Variants in RARB observed in about 807,000 individuals in gnomAD.
The protein encoded by RARB is HBV-activated protein.
RARB carries 17 observed loss-of-function variants against 51.9 expected under a neutral mutation model. The observed-to-expected ratio is 0.33, with a 90% CI of 0.22 to 0.49. The LOEUF is 0.49. Ranked by LOEUF, RARB falls within the 20% of genes least tolerant of loss-of-function variation. The probability of loss-of-function intolerance (pLI) is 0.99; values close to 1 mark genes in which losing one functional copy is unlikely to be tolerated. For synonymous variants in RARB, 215 were observed against 195.4 expected, an observed-to-expected ratio of 1.10 and a Z score of -0.84; for missense variants, 369 against 550.8, an observed-to-expected ratio of 0.67 and a Z score of 3.30.
chr3:25,341,184 C>T (rs564330335), intron 5 of RARB, among the ~76,000 whole-genome samples: 1 of 152,296 alleles, frequency 6.6e-6, no homozygotes, highest in South Asian at 2.1e-4. Flanking sequence ...CATATCTAAA[C>T]TGTGGCATCT....
At chr3:25,463,621 C>T (rs977742414) in intron 2 of RARB, among the ~76,000 whole-genome samples, 1 of 151,762 alleles carries the variant, frequency 6.6e-6, no homozygotes, top group Non-Finnish European at 1.5e-5. Flanking sequence ...CGAGATCGCG[C>T]CACTGGACTC....
chr3:25,337,976 A>G (rs1044652078), intron 5 of RARB, among the ~76,000 whole-genome samples: 53 of 152,198 alleles, frequency 3.5e-4, no homozygotes, highest in African/African-American at 1.2e-3. Flanking sequence ...TAGATCTAAA[A>G]ACTGTAATTT....
intron 3 of RARB, among the ~76,000 whole-genome samples, chr3:25,073,943 C>T (rs1485664034): frequency 6.6e-6 from 1 of 151,946 alleles, no homozygotes; most frequent in East Asian, 1.9e-4. Flanking sequence ...GTTGGTAAAT[C>T]ACGCTTTTAT....
At chr3:25,357,175 T>G (rs533811175) in intron 5 of RARB, among the ~76,000 whole-genome samples, 19 of 152,356 alleles carry the variant, frequency 1.2e-4, no homozygotes, top group Admixed American at 5.9e-4. Context: ...CTCCAGCATC[T>G]GTTGTTTCCT....
intron 5 of RARB, among the ~76,000 whole-genome samples, chr3:25,199,425 C>T (rs1006260182): frequency 1.3e-5 from 2 of 151,926 alleles, no homozygotes; most frequent in African/African-American, 4.8e-5. Context: ...AATAATTGTA[C>T]ATTTAAAAAT....
intron 5 of RARB, among the ~76,000 whole-genome samples, chr3:25,421,053 G>A (rs1244480379): frequency 1.3e-5 from 2 of 150,070 alleles, no homozygotes; most frequent in Admixed American, 6.7e-5. Flanking sequence ...GTCTTCCACA[G>A]GGGCAGCAGG....
intron 2 of RARB, among the ~76,000 whole-genome samples, chr3:24,882,518 C>T (rs1703187803): frequency 6.6e-6 from 1 of 152,162 alleles, no homozygotes; most frequent in South Asian, 2.1e-4. Flanking sequence ...CTCCTGGGAG[C>T]AATCCCCCAT....
chr3:25,547,667 C>A (rs1699668744), intron 3 of RARB, among the ~76,000 whole-genome samples: 1 of 152,014 alleles, frequency 6.6e-6, no homozygotes, highest in African/African-American at 2.4e-5. Context: ...CAATGAACCC[C>A]CAAGTTGGCA....
intron 5 of RARB, among the ~76,000 whole-genome samples, chr3:25,366,118 A>C (rs934032633): frequency 6.6e-6 from 1 of 152,202 alleles, no homozygotes; most frequent in African/African-American, 2.4e-5. Flanking sequence ...CAAGGCCTTT[A>C]TGCATTATGG....
chr3:25,311,166 G>A (rs1704279508), intron 5 of RARB, among the ~76,000 whole-genome samples: 1 of 152,210 alleles, frequency 6.6e-6, no homozygotes, highest in Admixed American at 6.5e-5. Context: ...TAGATTCTAA[G>A]TAGGTGGCAG....
intron 1 of RARB, among the ~76,000 whole-genome samples, chr3:25,455,183 A>G (rs957950): frequency 0.074 from 11,279 of 152,276 alleles, 593 homozygotes; most frequent in Admixed American, 0.14. Context: ...TTTTGGAGCA[A>G]TTTGACAGGG....
At chr3:25,086,005 C>T (rs1485548520) in intron 3 of RARB, among the ~76,000 whole-genome samples, 2 of 152,168 alleles carry the variant, frequency 1.3e-5, no homozygotes, top group Admixed American at 1.3e-4. Context: ...GGGACTCAAG[C>T]TCCTTACATC....
chr3:24,860,056 T>G (rs1026005444), intron 2 of RARB, among the ~76,000 whole-genome samples: 1 of 152,214 alleles, frequency 6.6e-6, no homozygotes, highest in African/African-American at 2.4e-5. Context: ...TCAAGTTCTG[T>G]GAACCTCCAC....
At chr3:24,947,510 G>A (rs1695800437) in intron 2 of RARB, among the ~76,000 whole-genome samples, 1 of 152,238 alleles carries the variant, frequency 6.6e-6, no homozygotes, top group African/African-American at 2.4e-5. Context: ...CTCAGGCTGT[G>A]AGCCAACGTC....
At chr3:25,048,848 C>T (rs554455056) in intron 2 of RARB, among the ~76,000 whole-genome samples, 91 of 151,288 alleles carry the variant, frequency 6.0e-4, no homozygotes, top group Admixed American at 1.6e-3. Flanking sequence ...CTCCGCCTCC[C>T]GGGTTCTCGC....
intron 5 of RARB, among the ~76,000 whole-genome samples, chr3:25,322,168 G>T (rs1454088231): frequency 7.0e-6 from 1 of 142,254 alleles, no homozygotes; most frequent in African/African-American, 2.6e-5. Flanking sequence ...ATATGAGGTG[G>T]GCATTGAAAT....
chr3:25,333,513 T>G (rs1344155579), intron 5 of RARB, among the ~76,000 whole-genome samples: 2 of 152,116 alleles, frequency 1.3e-5, no homozygotes, highest in Non-Finnish European at 2.9e-5. Flanking sequence ...TTACACCTTA[T>G]ACAAAAATTA....
Position 25,286,331 on chromosome 3 carries a change from A to G in RARB, c.178+111756A>G, listed in dbSNP as rs112914475. On this transcript the variant is annotated intron_variant, in intron 5 of 11. Coordinates refer to the RARB transcript ENST00000383772. ...TCTCGATCTCCTGACCTCGTGATCCACCCGCCTTGGCCTCCCAAAGTGCTG... is the reference window on the plus strand; with the variant it reads ...TCTCGATCTCCTGACCTCGTGATCCGCCCGCCTTGGCCTCCCAAAGTGCTG... 1.7e-3 allele frequency among the ~76,000 whole-genome samples: 251 copies of G among 151,912 alleles called. 1 individual carries two copies. The highest frequency in any genetic ancestry group is 5.6e-3 in the African/African-American group (231 of 41,418).
intron 2 of RARB, among the ~76,000 whole-genome samples, chr3:24,930,027 C>A (rs773089984): frequency 2.0e-5 from 3 of 151,938 alleles, no homozygotes; most frequent in African/African-American, 4.8e-5. Context: ...TTTTAAAGGG[C>A]TATTGACAAT....
Sources: allele counts gnomAD v4.1 joint callset (sites outside exome capture counted in the v4.1 genomes callset), GRCh38; gene constraint gnomAD v4.1.1; transcripts MANE v1.5; gene names NCBI Gene and HGNC (gene_info 2026-07-23, HGNC 2026-07-21).